The following FGF14 variants were observed in gnomAD, a reference collection of about 807,000 sequenced individuals.
The protein encoded by FGF14 is fibroblast growth factor 14.
In FGF14, 5 loss-of-function variants were observed where a neutral mutation model predicts 25.5. The observed-to-expected ratio is 0.20, with a 90% CI of 0.10 to 0.41. The LOEUF is 0.41. FGF14 is among the 10% of genes least tolerant of loss of function. The pLI is 1.00. For synonymous variants in FGF14, 138 were observed against 118.3 expected (o/e 1.17, Z -1.08); for missense variants, 222 against 320.1 (o/e 0.69, Z 2.34).
chr13:102,278,931 T>C (rs561590039), intron 1 of FGF14, among the ~76,000 whole-genome samples: 3 of 152,238 alleles, frequency 2.0e-5, no homozygotes, highest in African/African-American at 7.2e-5. Flanking sequence ...ATGTGACACA[T>C]TTTGCGACTT....
intron 1 of FGF14, among the ~76,000 whole-genome samples, chr13:102,141,422 A>G (rs151276962): frequency 3.3e-5 from 5 of 152,346 alleles, no homozygotes; most frequent in Admixed American, 6.5e-5. Flanking sequence ...TATCAGTACA[A>G]AAACAAGAAA....
intron 1 of FGF14, among the ~76,000 whole-genome samples, chr13:101,977,208 A>G (rs1024474764): frequency 2.4e-4 from 36 of 151,532 alleles, no homozygotes; most frequent in Non-Finnish European, 4.7e-4. Flanking sequence ...CCCAGGCACT[A>G]CTCCCCTCCT....
At chr13:102,387,991 G>A (rs7329536) in intron 1 of FGF14, among the ~76,000 whole-genome samples, 14,146 of 152,212 alleles carry the variant, frequency 0.093, 669 homozygotes, top group East Asian at 0.17. Context: ...GCCTCTCAAA[G>A]TGCTGGGATT....
chr13:102,285,346 A>G (rs780206850), intron 1 of FGF14, among the ~76,000 whole-genome samples: 2 of 152,208 alleles, frequency 1.3e-5, no homozygotes, highest in Non-Finnish European at 2.9e-5. Context: ...TTCTGGAGAT[A>G]ATAAGAATTA....
At chr13:101,733,621 G>GGAGA (rs1419862883) in intron 3 of FGF14, among the ~76,000 whole-genome samples, 6 of 71,888 alleles carry the variant, frequency 8.3e-5, no homozygotes, top group African/African-American at 2.9e-4. Flanking sequence ...AAGAGAGAGA[G>GGAGA]GAGAGAGAGA....
intron 1 of FGF14, among the ~76,000 whole-genome samples, chr13:102,156,945 T>C (rs2047370922): frequency 6.6e-6 from 1 of 152,108 alleles, no homozygotes; most frequent in South Asian, 2.1e-4. Context: ...GAATCCAACT[T>C]ACAAGGGATG....
At chr13:102,369,827 G>A (rs1478412361) in intron 1 of FGF14, among the ~76,000 whole-genome samples, 1 of 151,992 alleles carries the variant, frequency 6.6e-6, no homozygotes, top group Non-Finnish European at 1.5e-5. Context: ...ACATTTCTTG[G>A]AACAAGAAAG....
intron 3 of FGF14, among the ~76,000 whole-genome samples, chr13:101,773,971 G>A (rs925564898): frequency 2.6e-5 from 4 of 151,236 alleles, no homozygotes; most frequent in African/African-American, 9.7e-5. Context: ...ATTAGTACTT[G>A]TTAAATCAAT....
chr13:102,132,010 T>G (rs950207650), intron 1 of FGF14, among the ~76,000 whole-genome samples: 6 of 151,926 alleles, frequency 3.9e-5, no homozygotes, highest in Admixed American at 2.0e-4. Flanking sequence ...GGAAAATAAG[T>G]TTTTTTTGTT....
At chr13:101,797,386 A>G (rs1218427771) in intron 3 of FGF14, among the ~76,000 whole-genome samples, 1 of 152,096 alleles carries the variant, frequency 6.6e-6, no homozygotes, top group Non-Finnish European at 1.5e-5. Context: ...GTCACATGTA[A>G]TTGTGCGTCC....
intron 1 of FGF14, among the ~76,000 whole-genome samples, chr13:101,990,822 A>C (rs1323667916): frequency 6.6e-6 from 1 of 152,162 alleles, no homozygotes; most frequent in Non-Finnish European, 1.5e-5. Flanking sequence ...TGTGATCTCA[A>C]TTATGTTATT....
At chr13:101,897,347 G>C (rs1381858287) in intron 1 of FGF14, among the ~76,000 whole-genome samples, 1 of 152,188 alleles carries the variant, frequency 6.6e-6, no homozygotes, top group Non-Finnish European at 1.5e-5. Context: ...AAAGCACACA[G>C]GTCTAATGTG....
intron 3 of FGF14, among the ~76,000 whole-genome samples, chr13:101,822,503 A>C (rs914918490): frequency 3.5e-4 from 53 of 152,194 alleles, no homozygotes; most frequent in African/African-American, 1.3e-3. Flanking sequence ...CCAAAAAAAA[A>C]AAAAACCTGC....
chr13:102,042,645 T>TA (rs113136573), intron 1 of FGF14, among the ~76,000 whole-genome samples: 90 of 151,862 alleles, frequency 5.9e-4, no homozygotes, highest in East Asian at 2.1e-3. Flanking sequence ...AGCACAAAGG[T>TA]AAAAAAAAGA....
chr13:102,065,195 T>C lies in FGF14; in HGVS notation c.209-189899A>G, dbSNP rs73576715. Among the ~76,000 whole-genome samples, 491 of 152,218 alleles carry C rather than the reference T, an allele frequency of 3.2e-3. 1 individual carries two copies. Among genetic ancestry groups the C allele is most frequent in the African/African-American group, 0.011 (471 of 41,554 alleles). On this transcript the variant is annotated intron_variant, in intron 1 of 4. Transcript: ENST00000376131. ...TGTCAAGGAGAAAGGAAGCTGTACT[T>C]CTAGAAGTAACCATAATGGATATAG...
chr13:101,766,853 G>A (rs1288834430), intron 3 of FGF14, among the ~76,000 whole-genome samples: 1 of 152,116 alleles, frequency 6.6e-6, no homozygotes, highest in Non-Finnish European at 1.5e-5. Flanking sequence ...TACAAGCCAA[G>A]GAATGCCAGG....
chr13:102,328,904 C>G (rs972449087), intron 1 of FGF14, among the ~76,000 whole-genome samples: 1 of 152,080 alleles, frequency 6.6e-6, no homozygotes, highest in African/African-American at 2.4e-5. Context: ...TCTTGGCAAA[C>G]CCTCCATTCT....
chr13:102,349,749 A>G lies in FGF14; in HGVS notation c.208+51722T>C, dbSNP rs77138633. Among the ~76,000 whole-genome samples the G allele has an allele frequency of 8.7e-3, 1,333 of 152,352 alleles. 16 individuals carry two copies. Among genetic ancestry groups the G allele is most frequent in the African/African-American group, 0.03 (1,234 of 41,590 alleles). ...TTCCTTGGTTTTACCTAAATATAAC[A>G]TATTATGAACCCATGGGTTTAGGTT... On this transcript the variant is annotated intron_variant, in intron 1 of 4. Transcript: ENST00000376131.
intron 1 of FGF14, among the ~76,000 whole-genome samples, chr13:102,063,797 C>A (rs2042787272): frequency 6.6e-6 from 1 of 151,910 alleles, no homozygotes; most frequent in Non-Finnish European, 1.5e-5. Context: ...TCAGAATTTG[C>A]AGATAATATG....
Sources: allele counts gnomAD v4.1 joint callset (sites outside exome capture counted in the v4.1 genomes callset), GRCh38; gene constraint gnomAD v4.1.1; transcripts MANE v1.5; gene names NCBI Gene and HGNC (gene_info 2026-07-23, HGNC 2026-07-21).